KAT6A: variants seen among roughly 807,000 people sequenced by gnomAD.
The protein encoded by KAT6A is lysine acetyltransferase 6A.
KAT6A carries 9 observed loss-of-function variants against 198.4 expected under a neutral mutation model. The ratio of observed to expected loss-of-function variants is 0.05; its 90% CI spans 0.03 to 0.08. The LOEUF (loss-of-function observed/expected upper bound fraction) is 0.08, where lower values mean the gene tolerates loss of function less well. Among genes scored for constraint, KAT6A ranks in the 10% least tolerant of loss-of-function variants. The pLI, the probability that KAT6A is intolerant of heterozygous loss-of-function variation, is 1.00. For missense variants in KAT6A, 2,077 were observed against 2,509.9 expected, an observed-to-expected ratio of 0.83 and a Z score of 3.69; for synonymous variants, 890 against 883.0, an observed-to-expected ratio of 1.01 and a Z score of -0.14.
In KAT6A at chr8:42,007,960, T is replaced by TC. The variant is rs1170201558; in HGVS notation, c.601-20398dup. 4.2e-3 allele frequency among the ~76,000 whole-genome samples: 159 copies of TC among 37,774 alleles called. 3 individuals are homozygous for TC. The East Asian group carries it at 0.073, about 17-fold the overall frequency. The allele number at this position is 37,774 out of a possible 152,430, so 24.8% of individuals were successfully genotyped here. A position where few individuals can be genotyped will look rare whatever the true frequency, so the allele number is the denominator to read the frequency against. Reference sequence around the variant, plus strand: ...CTGGGCGACAGAGCGAGACTCCGTCTCAAAAAAAAAAAAAAAAAAAAAAAA... The same window carrying TC: ...CTGGGCGACAGAGCGAGACTCCGTCTCCAAAAAAAAAAAAAAAAAAAAAAAA... On this transcript the variant is annotated intron_variant, in intron 2 of 16. Coordinates refer to ENST00000265713, the MANE Select transcript of KAT6A (RefSeq NM_006766.5).
intron 9 of KAT6A, among the ~76,000 whole-genome samples, chr8:41,951,519 T>C (rs1194446742): frequency 6.6e-6 from 1 of 152,228 alleles, no homozygotes; most frequent in Non-Finnish European, 1.5e-5. Flanking sequence ...TGTTGGGGGC[T>C]GCTTTTAGTG....
At chr8:41,944,098 CAA>C (rs376434990) in intron 12 of KAT6A, 119 bp from the exon 13 acceptor site, 60 of 447,864 alleles carry the variant, frequency 1.3e-4, no homozygotes, top group South Asian at 2.8e-4. Flanking sequence ...AAATTCCTTC[CAA>C]AAAAAAAAAG....
intron 2 of KAT6A, among the ~76,000 whole-genome samples, chr8:42,023,545 T>G (rs1271913571): frequency 2.0e-5 from 3 of 151,948 alleles, no homozygotes; most frequent in Non-Finnish European, 4.4e-5. Context: ...TGGAGTGCAG[T>G]GGCATGATCT....
At chr8:41,944,197 T>C (rs1822272147) in intron 12 of KAT6A, among the ~76,000 whole-genome samples, 1 of 152,168 alleles carries the variant, frequency 6.6e-6, no homozygotes, top group Non-Finnish European at 1.5e-5. Context: ...TTAGTATTAT[T>C]ATGTCTACAG....
At chr8:41,971,555 A>G (rs985809805) in intron 8 of KAT6A, among the ~76,000 whole-genome samples, 1 of 151,606 alleles carries the variant, frequency 6.6e-6, no homozygotes, top group African/African-American at 2.4e-5. Context: ...AAGAGCAGCC[A>G]AAGAGGGAGG....
At chr8:41,968,307 G>A (rs1349779286) in intron 8 of KAT6A, among the ~76,000 whole-genome samples, 1 of 152,086 alleles carries the variant, frequency 6.6e-6, no homozygotes. Flanking sequence ...ATGAAAAAGT[G>A]GGCAAAGGAC....
At chr8:41,974,308 G>A (rs1200308143) in intron 8 of KAT6A, 1 of 152,652 alleles carries the variant, frequency 6.6e-6, no homozygotes, top group African/African-American at 2.4e-5. Flanking sequence ...CAAACTCCCA[G>A]ACTCAAGCAA....
At chr8:42,007,689 G>A (rs932087137) in intron 2 of KAT6A, among the ~76,000 whole-genome samples, 5 of 152,066 alleles carry the variant, frequency 3.3e-5, no homozygotes, top group South Asian at 4.1e-4. Context: ...TTGGCCGGGC[G>A]CAGTGGCTCA....
At chr8:42,016,189 C>T (rs1286734965) in intron 2 of KAT6A, among the ~76,000 whole-genome samples, 3 of 152,110 alleles carry the variant, frequency 2.0e-5, no homozygotes, top group Admixed American at 1.3e-4. Context: ...ACAGTTCCTT[C>T]GCTATGTTTA....
chr8:41,987,397 T>C, intron 3 of KAT6A, 58 bp downstream of exon 3: 3 of 985,518 alleles, frequency 3.0e-6, no homozygotes, highest in South Asian at 1.3e-5. Context: ...CAAGTCAACA[T>C]ACTTTCCGCT....
At chr8:42,006,053 T>G (rs1417995803) in intron 2 of KAT6A, among the ~76,000 whole-genome samples, 1 of 152,130 alleles carries the variant, frequency 6.6e-6, no homozygotes, top group African/African-American at 2.4e-5. Flanking sequence ...ATAAACAAAG[T>G]TTCTGTGAAG....
chr8:41,978,018 T>G (rs1352792840), intron 6 of KAT6A, among the ~76,000 whole-genome samples: 5 of 152,210 alleles, frequency 3.3e-5, no homozygotes, highest in Non-Finnish European at 7.3e-5. Flanking sequence ...CAGACATTTT[T>G]AAAAAGACAA....
Position 41,937,533 on chromosome 8 carries a change from C to T in KAT6A, c.3075G>A (p.Lys1025=). Residue 1025 remains lysine (K), a synonymous_variant, in exon 16 of 17, where the codon AAG becomes AAA. Transcript: ENST00000265713. ...CTACACTGCTATTGTGGTGTTTGCG[C>T]TTTCGGACTCTCCTCCTTCGGTGGA... The part of the protein sequence containing the change: ...PFLHRRRRVR[K]RKHHNSSVVT... The T allele has an allele frequency of 6.2e-7, 1 of 1,613,454 alleles. No homozygotes were observed. Among genetic ancestry groups the T allele is most frequent in the Non-Finnish European group, 8.5e-7 (1 of 1,179,566 alleles).
intron 2 of KAT6A, among the ~76,000 whole-genome samples, chr8:42,024,240 TGAG>T (rs1826685132): frequency 6.6e-6 from 1 of 152,190 alleles, no homozygotes; most frequent in Non-Finnish European, 1.5e-5. Flanking sequence ...ACAAACATGC[TGAG>T]TAGTGCACAC....
Position 41,942,776 on chromosome 8 carries a change from A to G in KAT6A, c.2436+17T>C, listed in dbSNP as rs779463243. ...ATATCTTCTGTCATCAAAAATAGAG[A>G]CTATTCATGCCCTTACACTGATCTC... is the stretch of plus-strand genomic sequence containing the variant. On this transcript the variant is annotated intron_variant, in intron 14 of 16. Coordinates refer to ENST00000265713, the MANE Select transcript of KAT6A (RefSeq NM_006766.5). 1.9e-6 allele frequency: 3 copies of G among 1,610,882 alleles called. No homozygotes were observed. Among genetic ancestry groups the G allele is most frequent in the Admixed American group, 3.4e-5 (2 of 59,418 alleles).
At chr8:42,046,977 C>T (rs186173004) in intron 2 of KAT6A, among the ~76,000 whole-genome samples, 150 of 152,100 alleles carry the variant, frequency 9.9e-4, no homozygotes, top group African/African-American at 3.4e-3. Flanking sequence ...AGAAAAATAC[C>T]GTTAATTTTC....
At chr8:41,965,373 G>A (rs1393435120) in intron 8 of KAT6A, among the ~76,000 whole-genome samples, 1 of 152,172 alleles carries the variant, frequency 6.6e-6, no homozygotes, top group Non-Finnish European at 1.5e-5. Flanking sequence ...TACAAAACAG[G>A]CTGTGGATGG....
At chr8:42,034,360 T>G (rs1827270563) in intron 2 of KAT6A, among the ~76,000 whole-genome samples, 1 of 152,180 alleles carries the variant, frequency 6.6e-6, no homozygotes, top group South Asian at 2.1e-4. Context: ...CTATTGCTGG[T>G]GCTGTCCTCT....
At chr8:42,000,278 C>T (rs1414720252) in intron 2 of KAT6A, among the ~76,000 whole-genome samples, 1 of 152,148 alleles carries the variant, frequency 6.6e-6, no homozygotes, top group Non-Finnish European at 1.5e-5. Context: ...TTGCCAGGCC[C>T]GGTGGCTCAC....
Sources: gnomAD v4.1 joint callset for allele counts (sites outside exome capture counted in the v4.1 genomes callset) on GRCh38, gnomAD v4.1.1 for gene constraint, MANE v1.5 for transcripts, NCBI Gene and HGNC (gene_info 2026-07-23, HGNC 2026-07-21) for gene names.